Variants in PATJ observed in about 807,000 individuals in gnomAD.
PATJ encodes PATJ crumbs cell polarity complex component.
A neutral mutation model predicts 224.9 loss-of-function variants in PATJ; 190 were observed. The ratio of observed to expected loss-of-function variants is 0.84; its 90% CI spans 0.75 to 0.95. The LOEUF is 0.95. PATJ is among the 40% of genes least tolerant of loss of function. The pLI, the probability that PATJ is intolerant of heterozygous loss-of-function variation, is 0.00. For missense variants in PATJ, 2,121 were observed against 2,270.3 expected (o/e 0.93, Z 1.34); for synonymous variants, 769 against 820.3 (o/e 0.94, Z 1.07).
Position 61,808,489 on chromosome 1 carries a change from A to C in PATJ, c.1642A>C (p.Thr548Pro). Reference protein sequence around the residue: ...DYEVMVATLDTQIADDAELQK... With the variant: ...DYEVMVATLDPQIADDAELQK... ...GTAAATTTAGGTTGCTACTTTGGAC[A>C]CACAGATTGCAGATGATGCTGAGTT... The change falls in exon 14 of 44, where the codon ACA becomes CCA. Residue 548 changes from threonine (T) to proline (P), a missense_variant. Physicochemically the swap from Thr to Pro is conservative, Grantham distance 38. Coordinates refer to ENST00000642238, the MANE Select transcript of PATJ (RefSeq NM_001350145.3). The C allele has an allele frequency of 1.2e-6, 2 of 1,607,744 alleles. No individual in the cohort carries two copies. Among genetic ancestry groups the C allele is most frequent in the Non-Finnish European group, 1.7e-6 (2 of 1,174,784 alleles).
chr1:62,068,714 T>A (rs1326801905), intron 31 of PATJ, among the ~76,000 whole-genome samples: 1 of 152,204 alleles, frequency 6.6e-6, no homozygotes, highest in Admixed American at 6.5e-5. Flanking sequence ...ATTGCCAGTG[T>A]TGCCTTTTAT....
intron 16 of PATJ, 130 bp downstream of exon 16, chr1:61,827,713 A>C: frequency 1.5e-6 from 1 of 680,990 alleles, no homozygotes; most frequent in Non-Finnish European, 2.2e-6. Flanking sequence ...CTAAGGCAAC[A>C]ATGCATAGCT....
chr1:62,024,860 C>G (rs997093269), intron 29 of PATJ, among the ~76,000 whole-genome samples: 5 of 152,138 alleles, frequency 3.3e-5, no homozygotes, highest in African/African-American at 1.2e-4. Flanking sequence ...GAATTGGAAG[C>G]AAGCAATGTG....
intron 1 of PATJ, among the ~76,000 whole-genome samples, chr1:61,754,646 G>A (rs1645529743): frequency 6.6e-6 from 1 of 150,464 alleles, no homozygotes; most frequent in African/African-American, 2.4e-5. Flanking sequence ...ACAGGCATGA[G>A]CCAACGTGCC....
intron 30 of PATJ, chr1:62,039,120 A>G (rs1215993289): frequency 1.5e-6 from 1 of 673,188 alleles, no homozygotes; most frequent in East Asian, 2.9e-5. Context: ...GATGGCTCGT[A>G]TCTGTTCTTC....
Position 62,116,552 on chromosome 1 carries a change from T to C in PATJ, c.4676T>C (p.Ile1559Thr). The C allele has an allele frequency of 6.2e-7, 1 of 1,614,080 alleles. No individual in the cohort carries two copies. The highest frequency in any genetic ancestry group is 8.5e-7 in the Non-Finnish European group (1 of 1,179,992). Residue 1559 changes from isoleucine to threonine, a missense_variant, in exon 36 of 44, where the codon ATT becomes ACT. Transcript: ENST00000642238. ...AACAGAAATGGAAGCGGAGTGTTTA[T>C]TTCTGACATCGTGAAAGGCGGAGCC... ...VGKRNGSGVF[I>T]SDIVKGGAAD...
intron 43 of PATJ, among the ~76,000 whole-genome samples, chr1:62,156,901 A>G (rs12732421): frequency 6.7e-6 from 1 of 148,722 alleles, no homozygotes; most frequent in Non-Finnish European, 1.5e-5. Context: ...GGGCAACAGA[A>G]TAAGTCCCTG....
chr1:62,149,742 G>A (rs1014531818), intron 42 of PATJ, among the ~76,000 whole-genome samples: 1 of 151,720 alleles, frequency 6.6e-6, no homozygotes, highest in South Asian at 2.1e-4. Context: ...CTGGCAGGCT[G>A]GGAACCACAA....
chr1:62,037,096 T>G (rs979064628), intron 29 of PATJ, among the ~76,000 whole-genome samples: 4 of 152,052 alleles, frequency 2.6e-5, no homozygotes, highest in Non-Finnish European at 4.4e-5. Flanking sequence ...ACATGGGTCA[T>G]ATGGAGAGAA....
intron 29 of PATJ, among the ~76,000 whole-genome samples, chr1:62,037,692 G>A (rs1650694323): frequency 6.6e-6 from 1 of 152,106 alleles, no homozygotes; most frequent in Non-Finnish European, 1.5e-5. Flanking sequence ...CTTATCCTCT[G>A]CAGCACCTGA....
chr1:61,839,692 G>T (rs752174429), intron 17 of PATJ, among the ~76,000 whole-genome samples: 1 of 151,978 alleles, frequency 6.6e-6, no homozygotes, highest in Non-Finnish European at 1.5e-5. Flanking sequence ...GCTAATTTTT[G>T]AACATTAGCC....
intron 17 of PATJ, among the ~76,000 whole-genome samples, chr1:61,850,914 A>T (rs1483954768): frequency 6.6e-6 from 1 of 152,214 alleles, no homozygotes; most frequent in Non-Finnish European, 1.5e-5. Flanking sequence ...TGTTGTTGTT[A>T]TTCCTATATG....
chr1:61,786,360 G>A (rs1219925258), intron 7 of PATJ, among the ~76,000 whole-genome samples: 4 of 151,812 alleles, frequency 2.6e-5, no homozygotes, highest in Admixed American at 1.3e-4. Flanking sequence ...CTAATGACCC[G>A]CAAGGTGTTT....
intron 22 of PATJ, among the ~76,000 whole-genome samples, chr1:61,885,649 C>G (rs1266323036): frequency 2.0e-5 from 3 of 152,108 alleles, no homozygotes; most frequent in Admixed American, 1.3e-4. Flanking sequence ...ACTAGAAATA[C>G]CATTTGACCC....
intron 30 of PATJ, among the ~76,000 whole-genome samples, chr1:62,044,481 A>G (rs766163797): frequency 1.2e-4 from 18 of 152,360 alleles, no homozygotes; most frequent in Admixed American, 5.9e-4. Context: ...AGGGAAACCC[A>G]ATTAAGAAGC....
chr1:61,796,722 CTTTTT>C (rs1651323174), intron 10 of PATJ, among the ~76,000 whole-genome samples: 3 of 31,156 alleles, frequency 9.6e-5, no homozygotes, highest in Admixed American at 4.2e-4. Flanking sequence ...TTCTTTCTTT[CTTTTT>C]CTTTCTTTCT....
chr1:62,061,349 T>TA (rs1655401683), intron 31 of PATJ, among the ~76,000 whole-genome samples: 1 of 150,906 alleles, frequency 6.6e-6, no homozygotes, highest in African/African-American at 2.4e-5. Flanking sequence ...GCCCAGCTAA[T>TA]TTTTGTATTT....
At chr1:62,066,408 G>T (rs141979679) in intron 31 of PATJ, among the ~76,000 whole-genome samples, 43 of 150,616 alleles carry the variant, frequency 2.9e-4, no homozygotes, top group African/African-American at 9.8e-4. Context: ...TTTTGAGACA[G>T]GGTCACACTC....
chr1:61,752,670 A>G (rs1349447726), intron 1 of PATJ, among the ~76,000 whole-genome samples: 1 of 152,150 alleles, frequency 6.6e-6, no homozygotes, highest in East Asian at 1.9e-4. Context: ...TTGAAGCACT[A>G]TTCACAAGTT....
Sources: allele counts gnomAD v4.1 joint callset (sites outside exome capture counted in the v4.1 genomes callset), GRCh38; gene constraint gnomAD v4.1.1; transcripts MANE v1.5; gene names NCBI Gene and HGNC (gene_info 2026-07-23, HGNC 2026-07-21).